The following ARFGEF2 variants were observed in gnomAD, a reference collection of about 807,000 sequenced individuals.
The protein encoded by ARFGEF2 is brefeldin A-inhibited guanine nucleotide-exchange protein 2.
Under a neutral mutation model 219.9 loss-of-function variants are expected in ARFGEF2, and 74 were observed. That is an observed-to-expected ratio of 0.34 (90% confidence interval 0.28 to 0.41). The LOEUF is 0.41. ARFGEF2 is among the 10% of genes least tolerant of loss of function. The pLI, the probability that ARFGEF2 is intolerant of heterozygous loss-of-function variation, is 1.00. For synonymous variants in ARFGEF2, 733 were observed against 799.2 expected (o/e 0.92, Z 1.40); for missense variants, 1,743 against 2,218.3 (o/e 0.79, Z 4.30).
At chr20:49,032,989 T>G (rs759973022) in intron 38 of ARFGEF2, 34 bp from the exon 39 acceptor site, 11 of 1,600,200 alleles carry the variant, frequency 6.9e-6, no homozygotes, top group Non-Finnish European at 8.5e-6. Context: ...AAAAAAAAAT[T>G]GTCTAATTTT....
Position 48,991,136 on chromosome 20 carries a change from A to G in ARFGEF2, c.2911A>G (p.Ile971Val), listed in dbSNP as rs746156078. ...TEMKQKNIDT[I>V]KTLITVAHTD... ...AATGAAGCAGAAAAACATCGACACCATTAAGACGCTTATCACAGTGGCTCA... is the reference window on the plus strand; with the variant it reads ...AATGAAGCAGAAAAACATCGACACCGTTAAGACGCTTATCACAGTGGCTCA... The change falls in exon 21 of 39, where the codon ATT becomes GTT. Residue 971 changes from isoleucine (I) to valine (V), a missense_variant. Physicochemically the swap from Ile to Val is conservative, Grantham distance 29 (BLOSUM62 3). Around this residue, in one of 5 missense-constraint regions of ARFGEF2, gnomAD observed 666 missense variants for 955.4 expected, o/e 0.70. Coordinates refer to ENST00000371917, the MANE Select transcript of ARFGEF2 (RefSeq NM_006420.3). The G allele has an allele frequency of 8.1e-6, 13 of 1,614,184 alleles. No individual in the cohort carries two copies. Among genetic ancestry groups the G allele is most frequent in the Non-Finnish European group, 1.1e-5 (13 of 1,180,044 alleles).
chr20:49,020,302 C>T (rs2091558253), intron 34 of ARFGEF2, among the ~76,000 whole-genome samples: 1 of 152,168 alleles, frequency 6.6e-6, no homozygotes, highest in Non-Finnish European at 1.5e-5. Context: ...AAACAGTGTG[C>T]GGTCACCTTT....
chr20:49,026,906 C>A (rs913443416), intron 36 of ARFGEF2, among the ~76,000 whole-genome samples: 1 of 151,794 alleles, frequency 6.6e-6, no homozygotes, highest in African/African-American at 2.4e-5. Context: ...TACTTTTTGT[C>A]CCCAAATATT....
At chr20:49,032,486 C>T (rs2091641858) in intron 38 of ARFGEF2, among the ~76,000 whole-genome samples, 1 of 152,112 alleles carries the variant, frequency 6.6e-6, no homozygotes, top group Non-Finnish European at 1.5e-5. Flanking sequence ...GACCTAGGAA[C>T]CTGCTTTACA....
chr20:49,027,762 C>T lies in ARFGEF2; in HGVS notation c.4925-768C>T, dbSNP rs989067376. ...TGAAAAATGAAGTTATCTTGTAATA[C>T]AGAGGATGACTTCTGGGGAGTCGTA... On this transcript the variant is annotated intron_variant, in intron 36 of 38. Transcript: ENST00000371917. Among the ~76,000 whole-genome samples, 15 of 151,906 alleles carry T rather than the reference C, an allele frequency of 9.9e-5. 1 individual carries two copies. Among genetic ancestry groups the T allele is most frequent in the South Asian group, 8.3e-4 (4 of 4,806 alleles).
intron 27 of ARFGEF2, 106 bp downstream of exon 27, chr20:49,010,510 A>C (rs2123516906): frequency 7.7e-7 from 1 of 1,290,486 alleles, no homozygotes; most frequent in East Asian, 2.4e-5. Flanking sequence ...CCTTGGCTCT[A>C]CTGTGATATA....
chr20:48,975,686 A>G (rs2091256838), intron 13 of ARFGEF2, among the ~76,000 whole-genome samples: 1 of 151,574 alleles, frequency 6.6e-6, no homozygotes, highest in Non-Finnish European at 1.5e-5. Flanking sequence ...CTGTAATCCC[A>G]GGTGCTCTGG....
rs371329197 is a variant in ARFGEF2 at position 49,022,474 on chromosome 20, G to A, written c.4625-577G>A. Among the ~76,000 whole-genome samples the A allele has an allele frequency of 2.4e-4, 37 of 152,156 alleles. No homozygotes were observed. In the South Asian group the frequency reaches 6.9e-3, roughly 28 times the overall value. On this transcript the variant is annotated intron_variant, in intron 34 of 38. Coordinates refer to ENST00000371917, the MANE Select transcript of ARFGEF2 (RefSeq NM_006420.3). ...GCTTCTGGCCTCTTCAGAGGGGCTGGCTACTGCAGGAACCTGAAACGTCCT... is the reference window on the plus strand; with the variant it reads ...GCTTCTGGCCTCTTCAGAGGGGCTGACTACTGCAGGAACCTGAAACGTCCT...
In ARFGEF2 at chr20:48,961,917, G is replaced by A. The variant is rs1482078422; in HGVS notation, c.839-1913G>A. On this transcript the variant is annotated intron_variant, in intron 6 of 38. Transcript: ENST00000371917. ...AAACTAGCCGGGCGCAGTGGCTCAT[G>A]CCTGTCATCCCAGCACTTTGGGAGG... Among the ~76,000 whole-genome samples the A allele has an allele frequency of 2.0e-5, 3 of 151,602 alleles. No homozygotes were observed. In the East Asian group the frequency reaches 5.8e-4, roughly 30 times the overall value.
rs142971046 is a variant in ARFGEF2, at chr20:48,952,688, G to A, written c.424-17G>A. Reference sequence around the variant, plus strand: ...ATGTGCGTTCCTGATGGTGAAGGTCGCGGATTTCTATTTTAGGCTCTTCTG... The same window carrying A: ...ATGTGCGTTCCTGATGGTGAAGGTCACGGATTTCTATTTTAGGCTCTTCTG... On this transcript the variant is annotated splice_polypyrimidine_tract_variant and intron_variant, in intron 4 of 38. Transcript: ENST00000371917. 3,826 of 1,613,970 alleles carry A rather than the reference G, an allele frequency of 2.4e-3. 16 individuals carry two copies. The highest frequency in any genetic ancestry group is 2.5e-3 in the Non-Finnish European group (3,005 of 1,179,860).
chr20:48,972,694 A>G (rs1330349542), intron 11 of ARFGEF2, among the ~76,000 whole-genome samples: 2 of 152,184 alleles, frequency 1.3e-5, no homozygotes, highest in Admixed American at 6.5e-5. Context: ...TACGTTACCT[A>G]CAAGCTGAGT....
chr20:48,947,764 G>C (rs1445515601), intron 3 of ARFGEF2, among the ~76,000 whole-genome samples: 2 of 152,098 alleles, frequency 1.3e-5, no homozygotes, highest in African/African-American at 2.4e-5. Flanking sequence ...GCTGAGGTGG[G>C]AGGATCACTT....
rs1161833435 is a variant in ARFGEF2, at chr20:48,974,658, T to G, written c.1666-108T>G. ...TTGTTTCATTCTTAATAGCACTGAC[T>G]GTCAGTGATTTCTTTCTTAGCCTCA... On this transcript the variant is annotated intron_variant, in intron 12 of 38. Coordinates refer to ENST00000371917, the MANE Select transcript of ARFGEF2 (RefSeq NM_006420.3). 1.6e-5 allele frequency: 13 copies of G among 806,578 alleles called. 1 individual carries two copies. The South Asian group carries it at 1.9e-4, about 12-fold the overall frequency. 50.0% of individuals were successfully genotyped at this position (806,578 alleles called of 1,614,324 possible). A position where few individuals can be genotyped will look rare whatever the true frequency, so the allele number is the denominator to read the frequency against.
intron 28 of ARFGEF2, among the ~76,000 whole-genome samples, chr20:49,012,443 T>C (rs929770062): frequency 2.0e-5 from 3 of 152,250 alleles, no homozygotes; most frequent in Admixed American, 6.5e-5. Context: ...GTAATGTGCC[T>C]GAGAAATCAT....
intron 6 of ARFGEF2, among the ~76,000 whole-genome samples, chr20:48,959,538 CCTCT>C (rs2091130830): frequency 1.5e-5 from 1 of 66,302 alleles, no homozygotes; most frequent in Non-Finnish European, 2.9e-5. Context: ...TCCCTCCCTC[CCTCT>C]GTCCCTCCTT....
intron 27 of ARFGEF2, 78 bp from the exon 28 acceptor site, chr20:49,011,846 T>TGTGTGC (rs1319030168): frequency 2.2e-6 from 3 of 1,362,384 alleles, no homozygotes; most frequent in Admixed American, 1.7e-5. Flanking sequence ...TGTGTGTGTG[T>TGTGTGC]GTGTGCACGC....
rs923313756 is a variant in ARFGEF2, at chr20:49,026,622, G to A, written c.4924+1141G>A. On this transcript the variant is annotated intron_variant, in intron 36 of 38. Coordinates refer to ENST00000371917, the MANE Select transcript of ARFGEF2 (RefSeq NM_006420.3). ...TTTTTTTGAGGCAGAGTCTTACTCT[G>A]TTGCCCAGGCTGGAGTGCAGTGGCG... 6.2e-5 allele frequency among the ~76,000 whole-genome samples: 8 copies of A among 128,712 alleles called. No individual in the cohort carries two copies. The Admixed American group carries it at 7.1e-4, about 11-fold the overall frequency. The allele number at this position is 128,712 out of a possible 152,430, so 84.4% of individuals were successfully genotyped here.
chr20:48,994,515 A>T lies in ARFGEF2; in HGVS notation c.3038A>T (p.Tyr1013Phe), dbSNP rs1357379635. The change falls in exon 22 of 39, where the codon TAC becomes TTC. Residue 1013 changes from tyrosine to phenylalanine, a missense_variant. This residue lies in a region of ARFGEF2 where 666 missense variants were observed against 955.4 expected (regional missense o/e 0.70). Transcript: ENST00000371917. ...ATAGGAACCGGTGTGAAGACGCGCT[A>T]CCTGTCTGGATCTGGGCGTGAAAGA... ...QLIGTGVKTRYLSGSGREREG... is the reference protein window; with the variant it reads ...QLIGTGVKTRFLSGSGREREG... 2 of 1,614,056 alleles carry T rather than the reference A, an allele frequency of 1.2e-6. No individual in the cohort carries two copies. The highest frequency in any genetic ancestry group is 1.7e-6 in the Non-Finnish European group (2 of 1,179,998).
Position 48,988,474 on chromosome 20 carries a change from A to AT in ARFGEF2, c.2362-9dup, listed in dbSNP as rs374651419. 26 of 1,610,310 alleles carry AT rather than the reference A, an allele frequency of 1.6e-5. No homozygotes were observed. Among genetic ancestry groups the AT allele is most frequent in the Admixed American group, 6.7e-5 (4 of 59,904 alleles). ...TTGGATGTTTTTTAAATGGTTTTTAATTTTTTTTAATTACAGGTAAAAAAT... is the reference window on the plus strand; with the variant it reads ...TTGGATGTTTTTTAAATGGTTTTTAATTTTTTTTTAATTACAGGTAAAAAAT... On this transcript the variant is annotated splice_polypyrimidine_tract_variant and intron_variant, in intron 17 of 38. Transcript: ENST00000371917.
Sources: allele counts gnomAD v4.1 joint callset (sites outside exome capture counted in the v4.1 genomes callset), GRCh38; gene constraint gnomAD v4.1.1; regional missense constraint gnomAD v4.1.1; transcripts MANE v1.5; gene names NCBI Gene and HGNC (gene_info 2026-07-23, HGNC 2026-07-21).